The following PRKAR1B variants were observed in gnomAD, a reference collection of about 807,000 sequenced individuals.
PRKAR1B encodes the protein cAMP-dependent protein kinase type I-beta regulatory subunit.
In PRKAR1B, 22 loss-of-function variants were observed where a neutral mutation model predicts 46.5. The ratio of observed to expected loss-of-function variants is 0.47; its 90% CI spans 0.34 to 0.68. PRKAR1B has a LOEUF of 0.68. Ranked by LOEUF, PRKAR1B falls within the 30% of genes least tolerant of loss-of-function variation. PRKAR1B has a pLI of 0.01. For synonymous variants in PRKAR1B, 259 were observed against 217.7 expected, an observed-to-expected ratio of 1.19 and a Z score of -1.67; for missense variants, 445 against 535.6, an observed-to-expected ratio of 0.83 and a Z score of 1.67.
intron 3 of PRKAR1B, 99 bp from the exon 4 acceptor site, chr7:677,419 G>A (rs1221600819): frequency 1.0e-6 from 1 of 978,674 alleles, no homozygotes. Context: ...GCTGTTATCA[G>A]GCAATGGTAC....
chr7:676,685 T>A (rs554020440), intron 4 of PRKAR1B, among the ~76,000 whole-genome samples: 2 of 152,328 alleles, frequency 1.3e-5, no homozygotes, highest in Admixed American at 1.3e-4. Context: ...GAGCCCACGT[T>A]TCCTGAGAGC....
intron 9 of PRKAR1B, among the ~76,000 whole-genome samples, chr7:557,799 G>C (rs563466958): frequency 6.6e-6 from 1 of 152,268 alleles, no homozygotes; most frequent in South Asian, 2.1e-4. Context: ...CAGGAGGATT[G>C]AGAGTCTGGG....
Position 632,625 on chromosome 7 carries a change from G to A in PRKAR1B, c.441-25173C>T, listed in dbSNP as rs571626132. ...TGGATCCAGGCCTTCAGGACACTGCGGCCCTCATGATGCTGCTGCGTGTCT... is the reference window on the plus strand; with the variant it reads ...TGGATCCAGGCCTTCAGGACACTGCAGCCCTCATGATGCTGCTGCGTGTCT... On this transcript the variant is annotated intron_variant, in intron 4 of 10. Transcript: ENST00000537384. Among the ~76,000 whole-genome samples, 45 of 152,338 alleles carry A rather than the reference G, an allele frequency of 3.0e-4. 1 individual carries two copies. In the South Asian group the frequency reaches 8.7e-3, roughly 29 times the overall value.
intron 4 of PRKAR1B, among the ~76,000 whole-genome samples, chr7:633,106 G>T (rs999055560): frequency 2.0e-5 from 3 of 152,226 alleles, no homozygotes; most frequent in Admixed American, 6.5e-5. Flanking sequence ...TCTGGAATAC[G>T]CTCAGAAACA....
intron 1 of PRKAR1B, chr7:712,326 G>A (rs1254543489): frequency 6.8e-6 from 1 of 146,108 alleles, no homozygotes. Flanking sequence ...CACTCCCGGC[G>A]GGGCCGAACC....
intron 2 of PRKAR1B, among the ~76,000 whole-genome samples, chr7:690,654 A>G (rs1038568234): frequency 3.3e-5 from 5 of 152,194 alleles, no homozygotes; most frequent in Non-Finnish European, 7.3e-5. Context: ...GCAGACATAA[A>G]TACCACTAAA....
chr7:559,527 G>C (rs1415723464), intron 9 of PRKAR1B, among the ~76,000 whole-genome samples: 1 of 152,170 alleles, frequency 6.6e-6, no homozygotes, highest in Non-Finnish European at 1.5e-5. Context: ...CCCCGATCTG[G>C]GGCCGACGCC....
chr7:685,295 C>CGTGT (rs1300520762), intron 2 of PRKAR1B, among the ~76,000 whole-genome samples: 1 of 12,228 alleles, frequency 8.2e-5, no homozygotes, highest in East Asian at 2.9e-3. Flanking sequence ...TATATGTATA[C>CGTGT]ATATATATAT....
At chr7:612,931 GAT>G (rs1491108636) in intron 4 of PRKAR1B, among the ~76,000 whole-genome samples, 1 of 152,116 alleles carries the variant, frequency 6.6e-6, no homozygotes, top group East Asian at 1.9e-4. Context: ...ACAATGAAAA[GAT>G]GTGTGTGTGT....
chr7:668,527 C>T lies in PRKAR1B; in HGVS notation c.440+8702G>A, dbSNP rs547783121. Among the ~76,000 whole-genome samples, 3 of 152,346 alleles carry T rather than the reference C, an allele frequency of 2.0e-5. No homozygotes were observed. The South Asian group carries it at 6.2e-4, about 32-fold the overall frequency. On this transcript the variant is annotated intron_variant, in intron 4 of 10. Transcript: ENST00000537384. ...CAAAACAAAAGAGCTGAAACCGACA[C>T]ACACACCCTGTGCAAAAGCTTCCTT...
chr7:618,100 G>T (rs1396530123), intron 4 of PRKAR1B, among the ~76,000 whole-genome samples: 1 of 152,036 alleles, frequency 6.6e-6, no homozygotes, highest in Non-Finnish European at 1.5e-5. Context: ...GCCGGAGTGA[G>T]GGTGGGAGAG....
rs1784775847 is a variant in PRKAR1B, at chr7:649,279, T to C, written c.440+27950A>G. Among the ~76,000 whole-genome samples the C allele has an allele frequency of 2.0e-5, 3 of 152,262 alleles. No homozygotes were observed. The South Asian group carries it at 6.2e-4, about 31-fold the overall frequency. ...ATTTCCCACAGAATTTATCCCAATGTAAAAATGTTTTAATTTAAAACGTAT... is the reference window on the plus strand; with the variant it reads ...ATTTCCCACAGAATTTATCCCAATGCAAAAATGTTTTAATTTAAAACGTAT... On this transcript the variant is annotated intron_variant, in intron 4 of 10. Coordinates refer to ENST00000537384, the MANE Select transcript of PRKAR1B (RefSeq NM_001164760.2).
At chr7:727,282 A>G, upstream of PRKAR1B, 2 of 1,308,786 alleles carry the variant, frequency 1.5e-6, no homozygotes, top group Non-Finnish European at 1.9e-6. Flanking sequence ...CGAGAGCTGC[A>G]GCTGCGCCGC....
chr7:559,639 A>C (rs541655708), intron 9 of PRKAR1B, among the ~76,000 whole-genome samples: 1 of 152,288 alleles, frequency 6.6e-6, no homozygotes, highest in South Asian at 2.1e-4. Context: ...ATCTCTTCCT[A>C]TGCGGGACGC....
intron 4 of PRKAR1B, among the ~76,000 whole-genome samples, chr7:645,181 T>C (rs1784562597): frequency 6.6e-6 from 1 of 152,030 alleles, no homozygotes; most frequent in Admixed American, 6.6e-5. Flanking sequence ...AGGCACAGCA[T>C]GAGAACCCGG....
intron 4 of PRKAR1B, among the ~76,000 whole-genome samples, chr7:659,486 C>T (rs572155404): frequency 3.3e-5 from 5 of 152,256 alleles, no homozygotes; most frequent in South Asian, 2.1e-4. Flanking sequence ...CCGCACACGC[C>T]GTCCCGAGCC....
intron 4 of PRKAR1B, among the ~76,000 whole-genome samples, chr7:620,017 CT>C (rs71016891): frequency 0.069 from 9,064 of 130,928 alleles, 302 homozygotes; most frequent in Middle Eastern, 0.1. Context: ...TACCCAGCTA[CT>C]TTTTTTTTTT....
intron 8 of PRKAR1B, among the ~76,000 whole-genome samples, chr7:580,111 G>C (rs947795019): frequency 1.3e-5 from 2 of 151,758 alleles, no homozygotes; most frequent in African/African-American, 4.8e-5. Context: ...TACACCTGTG[G>C]TCCCAGCTCC....
chr7:725,237 C>T lies in PRKAR1B; in HGVS notation c.-23+1973G>A, dbSNP rs528513848. On this transcript the variant is annotated intron_variant, in intron 1 of 10. Coordinates refer to ENST00000537384, the MANE Select transcript of PRKAR1B (RefSeq NM_001164760.2). ...TCAAAAAAAAAAAAAAAAGACGTAC[C>T]GACAAACACCACCATTTTGCAACAC... Among the ~76,000 whole-genome samples the T allele has an allele frequency of 4.6e-5, 7 of 151,630 alleles. No individual in the cohort carries two copies. The East Asian group carries it at 7.7e-4, about 17-fold the overall frequency.
Sources: allele counts gnomAD v4.1 joint callset (sites outside exome capture counted in the v4.1 genomes callset), GRCh38; gene constraint gnomAD v4.1.1; transcripts MANE v1.5; gene names NCBI Gene and HGNC (gene_info 2026-07-23, HGNC 2026-07-21).